TPTE: variants seen among roughly 807,000 people sequenced by gnomAD.
The protein encoded by TPTE is transmembrane phosphatase with tensin homology.
A neutral mutation model predicts 84.1 loss-of-function variants in TPTE; 59 were observed. That is an observed-to-expected ratio of 0.70 (90% CI 0.57 to 0.87). The LOEUF (loss-of-function observed/expected upper bound fraction) is 0.87, where lower values mean the gene tolerates loss of function less well. Ranked by LOEUF, TPTE falls within the 40% of genes least tolerant of loss-of-function variation. The pLI is 0.00. For synonymous variants in TPTE, 130 were observed against 223.5 expected, an observed-to-expected ratio of 0.58 and a Z score of 3.73; for missense variants, 382 against 659.6, an observed-to-expected ratio of 0.58 and a Z score of 4.61.
intron 7 of TPTE, among the ~76,000 whole-genome samples, chr21:10,550,938 A>C (rs1333464171): frequency 6.6e-6 from 1 of 152,310 alleles, no homozygotes; most frequent in Non-Finnish European, 1.5e-5. Context: ...CTAGACATTC[A>C]TAACAAGAGG....
intron 14 of TPTE, chr21:10,576,494 T>TA (rs2075152852): frequency 6.4e-6 from 1 of 156,038 alleles, no homozygotes; most frequent in Non-Finnish European, 1.4e-5. Context: ...CTGAAGTATA[T>TA]AAAACTATTT....
At chr21:10,544,299 A>G (rs1346142731) in intron 7 of TPTE, among the ~76,000 whole-genome samples, 3 of 152,426 alleles carry the variant, frequency 2.0e-5, no homozygotes, top group East Asian at 3.8e-4. Context: ...TTTTGTATGT[A>G]GTATTGATTT....
chr21:10,581,143 A>C (rs1362892079), intron 17 of TPTE, among the ~76,000 whole-genome samples: 1 of 152,310 alleles, frequency 6.6e-6, no homozygotes, highest in Admixed American at 6.5e-5. Context: ...GCTGTATATT[A>C]GTTAATATAC....
At chr21:10,542,673 A>G (rs1272469497) in intron 6 of TPTE, among the ~76,000 whole-genome samples, 1 of 152,300 alleles carries the variant, frequency 6.6e-6, no homozygotes, top group Non-Finnish European at 1.5e-5. Context: ...TGATGGAAAC[A>G]TAGACCAAAG....
At chr21:10,531,185 T>G (rs1461301798) in intron 3 of TPTE, among the ~76,000 whole-genome samples, 5 of 152,306 alleles carry the variant, frequency 3.3e-5, no homozygotes, top group Non-Finnish European at 5.9e-5. Context: ...TGTTTGGAGA[T>G]TTGTACCCCC....
chr21:10,542,411 T>C lies in TPTE; in HGVS notation c.82T>C (p.Phe28Leu), dbSNP rs2074385438. 1.2e-6 allele frequency: 2 copies of C among 1,611,866 alleles called. No individual in the cohort carries two copies. The highest frequency in any genetic ancestry group is 1.7e-6 in the Non-Finnish European group (2 of 1,178,404). Residue 28 changes from phenylalanine (F) to leucine (L), a missense_variant, in exon 6 of 24, where the codon TTT becomes CTT. Phe to Leu is a conservative substitution (Grantham distance 22, BLOSUM62 0). This residue lies in a region of TPTE where 63 missense variants were observed against 49.5 expected (regional missense o/e 1.27). Coordinates refer to ENST00000618007, the MANE Select transcript of TPTE (RefSeq NM_199261.4). ...GPNDSPQTSE[F>L]KGATEEAPAK... ...ATCCACTAGTCCACAGACAAGTGAA[T>C]TTAAAGGAGCAACCGAGGAGGCACC... is the stretch of plus-strand genomic sequence containing the variant.
intron 2 of TPTE, among the ~76,000 whole-genome samples, chr21:10,525,495 C>T (rs1221310508): frequency 2.0e-5 from 3 of 152,310 alleles, no homozygotes; most frequent in African/African-American, 4.8e-5. Flanking sequence ...CTTACAGAAG[C>T]TTATATACTG....
chr21:10,568,617 C>T (rs1407372402), intron 11 of TPTE, among the ~76,000 whole-genome samples: 2 of 152,310 alleles, frequency 1.3e-5, no homozygotes, highest in Non-Finnish European at 2.9e-5. Context: ...CAACTAAAAG[C>T]ATGTTAAGTG....
intron 10 of TPTE, among the ~76,000 whole-genome samples, chr21:10,566,977 C>CAA (rs141155041): frequency 0.038 from 4,769 of 125,196 alleles, 5 homozygotes; most frequent in African/African-American, 0.12. Context: ...AACTCCATCT[C>CAA]AAAAAAAAAA....
intron 3 of TPTE, among the ~76,000 whole-genome samples, chr21:10,534,639 A>G (rs1304747319): frequency 6.6e-6 from 1 of 152,312 alleles, no homozygotes; most frequent in East Asian, 1.9e-4. Context: ...AAATGATATC[A>G]CTAGCCTATA....
chr21:10,535,201 T>C (rs1568954822), intron 3 of TPTE, among the ~76,000 whole-genome samples: 1 of 152,304 alleles, frequency 6.6e-6, no homozygotes, highest in African/African-American at 2.4e-5. Context: ...AGTAATATGC[T>C]TTTATAATTC....
intron 7 of TPTE, among the ~76,000 whole-genome samples, chr21:10,549,208 A>G (rs1278743928): frequency 1.3e-5 from 2 of 152,312 alleles, no homozygotes; most frequent in Non-Finnish European, 2.9e-5. Flanking sequence ...GACATCCAAG[A>G]CCCATTCATA....
At chr21:10,531,308 C>T (rs1403082011) in intron 3 of TPTE, among the ~76,000 whole-genome samples, 38 of 152,410 alleles carry the variant, frequency 2.5e-4, no homozygotes, top group African/African-American at 7.0e-4. Context: ...TGAGTACTCA[C>T]TCTATTAGTT....
intron 8 of TPTE, among the ~76,000 whole-genome samples, chr21:10,558,794 G>A (rs1481663582): frequency 2.2e-4 from 34 of 152,268 alleles, no homozygotes; most frequent in Non-Finnish European, 3.8e-4. Context: ...CAACACAGGA[G>A]GCTTCAGTAG....
intron 17 of TPTE, among the ~76,000 whole-genome samples, chr21:10,582,385 CT>C: frequency 6.6e-6 from 1 of 152,312 alleles, no homozygotes; most frequent in Non-Finnish European, 1.5e-5. Context: ...ATTATTGTAG[CT>C]TTATAATGTG....
At chr21:10,564,167 TAAAA>T (rs1234114818) in intron 10 of TPTE, among the ~76,000 whole-genome samples, 6 of 152,198 alleles carry the variant, frequency 3.9e-5, no homozygotes, top group African/African-American at 7.2e-5. Context: ...ATAAATAAAA[TAAAA>T]AAACCCATTG....
intron 4 of TPTE, among the ~76,000 whole-genome samples, chr21:10,539,717 A>G (rs1330954140): frequency 6.6e-6 from 1 of 152,312 alleles, no homozygotes; most frequent in Non-Finnish European, 1.5e-5. Context: ...TACAGGTTGA[A>G]AAGTAGTTGG....
chr21:10,586,026 A>C (rs1380625661), intron 17 of TPTE, among the ~76,000 whole-genome samples: 1 of 152,302 alleles, frequency 6.6e-6, no homozygotes, highest in Non-Finnish European at 1.5e-5. Flanking sequence ...AAAAGAACCA[A>C]GTTTTTGGCC....
At chr21:10,527,157 T>TCACACA (rs58743171) in intron 2 of TPTE, among the ~76,000 whole-genome samples, 198 bp from the exon 3 acceptor site, 29 of 150,260 alleles carry the variant, frequency 1.9e-4, no homozygotes, top group Non-Finnish European at 2.8e-4. Context: ...TCTCTCTCTC[T>TCACACA]CACACACACA....
Sources: gnomAD v4.1 joint callset for allele counts (sites outside exome capture counted in the v4.1 genomes callset) on GRCh38, gnomAD v4.1.1 for gene constraint, gnomAD v4.1.1 regional missense constraint, MANE v1.5 for transcripts, NCBI Gene and HGNC (gene_info 2026-07-23, HGNC 2026-07-21) for gene names.